ANK3: variants seen among roughly 807,000 people sequenced by gnomAD.
ANK3 encodes the protein ankyrin-3.
A neutral mutation model predicts 370.9 loss-of-function variants in ANK3; 57 were observed. That is an observed-to-expected ratio of 0.15 (90% CI 0.12 to 0.19). The LOEUF (loss-of-function observed/expected upper bound fraction) is 0.19. Among genes scored for constraint, ANK3 ranks in the 10% least tolerant of loss-of-function variants. ANK3 has a pLI of 1.00. For missense variants in ANK3, 4,439 were observed against 5,302.1 expected (o/e 0.84, Z 5.06); for synonymous variants, 1,929 against 1,946.3 (o/e 0.99, Z 0.23).
intron 2 of ANK3, among the ~76,000 whole-genome samples, chr10:60,484,885 A>G (rs2075310799): frequency 6.6e-6 from 1 of 152,134 alleles, no homozygotes; most frequent in Non-Finnish European, 1.5e-5. Flanking sequence ...AAAATAATGA[A>G]TTTCAAAGCC....
In ANK3 at chr10:60,479,626, G is replaced by A. The variant is rs1938532; in HGVS notation, c.96+135560C>T. On this transcript the variant is annotated intron_variant, in intron 2 of 43. Transcript: ENST00000373827. ...CTAAAAATTTTCAAAGTCATCCAGT[G>A]AAATACATTTCTTTACTATGAGGCT... is the stretch of plus-strand genomic sequence containing the variant. Among the ~76,000 whole-genome samples, 1,509 of 152,136 alleles carry A rather than the reference G, an allele frequency of 9.9e-3. 23 individuals carry two copies. The highest frequency in any genetic ancestry group is 0.034 in the African/African-American group (1,416 of 41,508).
rs2072443354 is a variant in ANK3 at position 60,027,201 on chromosome 10, C to T, written c.*2645G>A. 1 of 151,314 alleles carries T rather than the reference C, an allele frequency of 6.6e-6. No homozygotes were observed. The highest frequency in any genetic ancestry group is 1.5e-5 in the Non-Finnish European group (1 of 67,926). 9.4% of individuals were successfully genotyped at this position (151,314 alleles called of 1,614,324 possible). ...CAGGATAAACACCTTCTCTCAAAGACTGAGTCAGAAATTCGTAACTCTTAG... is the reference window on the plus strand; with the variant it reads ...CAGGATAAACACCTTCTCTCAAAGATTGAGTCAGAAATTCGTAACTCTTAG... On this transcript the variant is annotated 3_prime_UTR_variant, in exon 44 of 44. Transcript: ENST00000280772.
intron 1 of ANK3, among the ~76,000 whole-genome samples, chr10:60,681,811 A>G (rs184772225): frequency 9.2e-5 from 14 of 152,332 alleles, no homozygotes; most frequent in Admixed American, 4.6e-4. Context: ...GATAATGAAG[A>G]TGGTTAAAAG....
At chr10:60,266,656 G>T (rs2097884453) in intron 5 of ANK3, among the ~76,000 whole-genome samples, 1 of 152,198 alleles carries the variant, frequency 6.6e-6, no homozygotes, top group Admixed American at 6.5e-5. Context: ...GCAGTGACAA[G>T]AATATGTTTC....
chr10:60,487,296 C>T (rs564968766), intron 2 of ANK3, among the ~76,000 whole-genome samples: 2 of 152,258 alleles, frequency 1.3e-5, no homozygotes, highest in Non-Finnish European at 2.9e-5. Context: ...AGGAAATAAA[C>T]TACGCAAAGA....
At chr10:60,134,896 C>T (rs1220279162) in intron 24 of ANK3, among the ~76,000 whole-genome samples, 1 of 152,196 alleles carries the variant, frequency 6.6e-6, no homozygotes, top group Non-Finnish European at 1.5e-5. Context: ...TTGCATGATC[C>T]TTTTTGCCAT....
intron 2 of ANK3, among the ~76,000 whole-genome samples, chr10:60,494,685 A>G (rs966430020): frequency 6.6e-6 from 1 of 152,174 alleles, no homozygotes; most frequent in Non-Finnish European, 1.5e-5. Context: ...TTTATTAGTT[A>G]CTATAACAGA....
intron 1 of ANK3, among the ~76,000 whole-genome samples, chr10:60,368,452 G>A (rs1594629690): frequency 6.6e-6 from 1 of 152,094 alleles, no homozygotes; most frequent in Non-Finnish European, 1.5e-5. Context: ...GGGGTGTACT[G>A]AGCTGTTTGG....
At chr10:60,644,240 T>C (rs1049202246) in intron 1 of ANK3, among the ~76,000 whole-genome samples, 5 of 152,178 alleles carry the variant, frequency 3.3e-5, no homozygotes, top group African/African-American at 7.2e-5. Flanking sequence ...AATCTCTTGA[T>C]AGAAGTGCCC....
intron 1 of ANK3, among the ~76,000 whole-genome samples, chr10:60,628,143 C>G (rs1476634607): frequency 6.6e-6 from 1 of 152,186 alleles, no homozygotes; most frequent in Non-Finnish European, 1.5e-5. Flanking sequence ...ATTCAATACT[C>G]TTATCCTCAA....
At chr10:60,480,548 G>A (rs1039273083) in intron 2 of ANK3, among the ~76,000 whole-genome samples, 1 of 152,082 alleles carries the variant, frequency 6.6e-6, no homozygotes, top group Non-Finnish European at 1.5e-5. Context: ...ATATATTTGT[G>A]CATCTACCAT....
intron 2 of ANK3, among the ~76,000 whole-genome samples, chr10:60,462,262 G>C (rs1398849468): frequency 6.6e-6 from 1 of 151,986 alleles, no homozygotes; most frequent in African/African-American, 2.4e-5. Context: ...TCGTTTTAAT[G>C]AGGCCCCTAT....
At position 60,335,037 on chromosome 10, in the gene ANK3, GCTAGGTCCT is replaced by G. The variant is rs1393104308; in HGVS notation, c.114+54379_114+54387del. Among the ~76,000 whole-genome samples the G allele has an allele frequency of 3.3e-5, 5 of 152,060 alleles. No homozygotes were observed. In the East Asian group the frequency reaches 9.6e-4, roughly 29 times the overall value. On this transcript the variant is annotated intron_variant, in intron 1 of 43. Transcript: ENST00000280772. ...TTTCAAGGAGACACTTGACACTGGG[GCTAGGTCCT>G]CTATTTCAACTTACACCATGTTGAG... is the stretch of plus-strand genomic sequence containing the variant.
intron 2 of ANK3, among the ~76,000 whole-genome samples, chr10:60,464,113 C>G (rs2133063388): frequency 6.6e-6 from 1 of 152,252 alleles, no homozygotes; most frequent in Non-Finnish European, 1.5e-5. Flanking sequence ...AGAAACAGCT[C>G]TAAGTCTGCA....
intron 1 of ANK3, among the ~76,000 whole-genome samples, chr10:60,315,077 T>A (rs1263175584): frequency 6.6e-6 from 1 of 152,166 alleles, no homozygotes; most frequent in Non-Finnish European, 1.5e-5. Context: ...ACGCAGCCCA[T>A]TATCCACCCT....
intron 1 of ANK3, among the ~76,000 whole-genome samples, chr10:60,321,399 GAAGAAAAGAAAAGAAAAGAA>G (rs71015788): frequency 3.4e-5 from 5 of 145,440 alleles, no homozygotes; most frequent in East Asian, 2.0e-4. Context: ...AAAGAGAAGA[GAAGAAAAGAAAAGAAAAGAA>G]AAGAAAAGAA....
At chr10:60,183,264 GCTTGT>G (rs2096246811) in intron 17 of ANK3, among the ~76,000 whole-genome samples, 2 of 151,968 alleles carry the variant, frequency 1.3e-5, no homozygotes, top group Non-Finnish European at 2.9e-5. Context: ...CTGTTTTCTT[GCTTGT>G]CTTCCTCAAA....
chr10:60,530,684 T>C (rs1171673078), intron 2 of ANK3, among the ~76,000 whole-genome samples: 1 of 152,110 alleles, frequency 6.6e-6, no homozygotes, highest in African/African-American at 2.4e-5. Flanking sequence ...ACCCCTAACC[T>C]GAAGACATTC....
chr10:60,684,500 T>G, intron 1 of ANK3: 2 of 1,459,306 alleles, frequency 1.4e-6, no homozygotes, highest in East Asian at 2.4e-5. Flanking sequence ...TATTTGCAGC[T>G]GGAAATGGGG....
Sources: gnomAD v4.1 joint callset for allele counts (sites outside exome capture counted in the v4.1 genomes callset) on GRCh38, gnomAD v4.1.1 for gene constraint, MANE v1.5 for transcripts, NCBI Gene and HGNC (gene_info 2026-07-23, HGNC 2026-07-21) for gene names.